The following NCOA3 variants were observed in gnomAD, a reference collection of about 807,000 sequenced individuals.
The protein encoded by NCOA3 is nuclear receptor coactivator 3.
NCOA3 carries 51 observed loss-of-function variants against 158.8 expected under a neutral mutation model. That is an observed-to-expected ratio of 0.32 (90% CI 0.26 to 0.41). The LOEUF is 0.41. Ranked by LOEUF, NCOA3 falls within the 10% of genes least tolerant of loss-of-function variation. The pLI, the probability that NCOA3 is intolerant of heterozygous loss-of-function variation, is 1.00. For synonymous variants in NCOA3, 537 were observed against 592.4 expected, an observed-to-expected ratio of 0.91 and a Z score of 1.36; for missense variants, 1,510 against 1,746.6, an observed-to-expected ratio of 0.86 and a Z score of 2.41.
chr20:47,574,154 T>A (rs1328398355), intron 1 of NCOA3, among the ~76,000 whole-genome samples: 1 of 152,210 alleles, frequency 6.6e-6, no homozygotes, highest in Non-Finnish European at 1.5e-5. Context: ...GGCCACGTTT[T>A]GCGTTCGTCA....
chr20:47,503,811 A>G (rs1488413752), intron 1 of NCOA3, among the ~76,000 whole-genome samples: 26 of 152,190 alleles, frequency 1.7e-4, no homozygotes, highest in Admixed American at 1.7e-3. Flanking sequence ...ATTGAACACT[A>G]TAGCTCCTGT....
At chr20:47,527,601 G>A (rs1047900971) in intron 1 of NCOA3, among the ~76,000 whole-genome samples, 4 of 152,164 alleles carry the variant, frequency 2.6e-5, no homozygotes, top group Admixed American at 6.5e-5. Flanking sequence ...AAACCTTAGC[G>A]TGGGCAGAAG....
chr20:47,633,746 C>A, intron 9 of NCOA3, 110 bp downstream of exon 9: 1 of 1,267,364 alleles, frequency 7.9e-7, no homozygotes, highest in Non-Finnish European at 1.1e-6. Flanking sequence ...ACCCTTCTGC[C>A]TCAGCTTCTG....
At chr20:47,528,494 A>G (rs1012734000) in intron 1 of NCOA3, among the ~76,000 whole-genome samples, 2 of 152,194 alleles carry the variant, frequency 1.3e-5, no homozygotes, top group African/African-American at 4.8e-5. Context: ...AGCTTTTGCC[A>G]TTGTTCCCTC....
intron 1 of NCOA3, among the ~76,000 whole-genome samples, chr20:47,563,888 C>CAAAAAAAAAAAAAA (rs72161837): frequency 8.5e-5 from 5 of 58,804 alleles, no homozygotes; most frequent in Non-Finnish European, 1.4e-4. Flanking sequence ...GATTCTGTCT[C>CAAAAAAAAAAAAAA]AAAAAAAAAA....
chr20:47,511,950 T>C (rs1451246025), intron 1 of NCOA3, among the ~76,000 whole-genome samples: 1 of 152,044 alleles, frequency 6.6e-6, no homozygotes, highest in Non-Finnish European at 1.5e-5. Flanking sequence ...GCCCTAAAAG[T>C]CCTGGCTTCA....
chr20:47,607,953 CATT>C (rs1222506444), intron 2 of NCOA3, among the ~76,000 whole-genome samples: 3 of 152,058 alleles, frequency 2.0e-5, no homozygotes, highest in Non-Finnish European at 4.4e-5. Flanking sequence ...TTATAATTCT[CATT>C]GTTTCAGAAG....
intron 1 of NCOA3, among the ~76,000 whole-genome samples, chr20:47,576,803 C>T (rs1376459684): frequency 6.6e-6 from 1 of 152,196 alleles, no homozygotes; most frequent in Admixed American, 6.5e-5. Context: ...TGTGGAACGC[C>T]TTCCACTGGT....
At chr20:47,603,319 G>A (rs140413813) in intron 2 of NCOA3, among the ~76,000 whole-genome samples, 137 of 152,380 alleles carry the variant, frequency 9.0e-4, no homozygotes, top group African/African-American at 2.8e-3. Context: ...CGACAGGGCT[G>A]TGGCTCATCT....
At chr20:47,536,518 T>C (rs1465255480) in intron 1 of NCOA3, among the ~76,000 whole-genome samples, 1 of 152,230 alleles carries the variant, frequency 6.6e-6, no homozygotes, top group Non-Finnish European at 1.5e-5. Flanking sequence ...CTATACACAT[T>C]TTGTCTCCTT....
chr20:47,566,297 G>A (rs1015199464), intron 1 of NCOA3, among the ~76,000 whole-genome samples: 9 of 152,094 alleles, frequency 5.9e-5, no homozygotes, highest in African/African-American at 1.4e-4. Flanking sequence ...TTTGGAAGAA[G>A]CTTGGGGCTA....
chr20:47,543,300 A>G (rs914132937), intron 1 of NCOA3, among the ~76,000 whole-genome samples: 25 of 152,204 alleles, frequency 1.6e-4, no homozygotes, highest in African/African-American at 5.8e-4. Context: ...CACATAGACC[A>G]ACTTTGATAC....
intron 2 of NCOA3, among the ~76,000 whole-genome samples, chr20:47,591,745 C>CTT (rs539333586): frequency 7.0e-4 from 102 of 144,706 alleles, no homozygotes; most frequent in African/African-American, 2.2e-3. Context: ...ACCTCCTCCC[C>CTT]TTTTTTTTTT....
chr20:47,526,077 T>G (rs1233720955), intron 1 of NCOA3, among the ~76,000 whole-genome samples: 1 of 146,530 alleles, frequency 6.8e-6, no homozygotes, highest in Non-Finnish European at 1.5e-5. Context: ...TCTCCTCACT[T>G]CTCAGACGGG....
At chr20:47,536,127 C>T (rs932286657) in intron 1 of NCOA3, among the ~76,000 whole-genome samples, 13 of 152,186 alleles carry the variant, frequency 8.5e-5, no homozygotes, top group African/African-American at 3.1e-4. Context: ...TTTTTGGGTG[C>T]GTAAACAGAA....
intron 17 of NCOA3, among the ~76,000 whole-genome samples, chr20:47,644,050 A>G (rs993243733): frequency 5.4e-5 from 8 of 149,404 alleles, no homozygotes; most frequent in Non-Finnish European, 1.0e-4. Context: ...GTTTTCTTGT[A>G]TAATTTCTTT....
chr20:47,504,172 T>G (rs2083986726), intron 1 of NCOA3, among the ~76,000 whole-genome samples: 1 of 152,200 alleles, frequency 6.6e-6, no homozygotes, highest in African/African-American at 2.4e-5. Context: ...CTAAGGAAAT[T>G]CAGTGATATT....
chr20:47,636,649 C>G lies in NCOA3; in HGVS notation c.2263C>G (p.Leu755Val). Residue 755 changes from leucine (L) to valine (V), a missense_variant, in exon 12 of 23, where the codon CTA (leucine) becomes GTA (valine). Leu to Val is a conservative substitution (Grantham distance 32, BLOSUM62 1). Around this residue, in one of 4 missense-constraint regions of NCOA3, gnomAD observed 1,017 missense variants for 1,098.3 expected, o/e 0.93. Transcript: ENST00000371998. ...TCCTAGTGATGCACTCTCTAAAGAACTACAGCCCCAAGTGGAAGGAGTGGA... is the reference window on the plus strand; with the variant it reads ...TCCTAGTGATGCACTCTCTAAAGAAGTACAGCCCCAAGTGGAAGGAGTGGA... Reference protein sequence around the residue: ...DDPSDALSKELQPQVEGVDNK... With the variant: ...DDPSDALSKEVQPQVEGVDNK... 1 of 1,614,170 alleles carries G rather than the reference C, an allele frequency of 6.2e-7. No individual in the cohort carries two copies. The highest frequency in any genetic ancestry group is 1.1e-5 in the South Asian group (1 of 91,084).
intron 2 of NCOA3, among the ~76,000 whole-genome samples, chr20:47,598,907 A>G (rs2085810481): frequency 6.6e-6 from 1 of 152,254 alleles, no homozygotes; most frequent in South Asian, 2.1e-4. Flanking sequence ...CAGTGGTTCC[A>G]TAAGATTATA....
Sources: allele counts gnomAD v4.1 joint callset (sites outside exome capture counted in the v4.1 genomes callset), GRCh38; gene constraint gnomAD v4.1.1; regional missense constraint gnomAD v4.1.1; transcripts MANE v1.5; gene names NCBI Gene and HGNC (gene_info 2026-07-23, HGNC 2026-07-21).